The following MPPED2 variants were observed in gnomAD, a reference collection of about 807,000 sequenced individuals.
MPPED2 encodes the protein metallophosphoesterase domain containing 2.
Under a neutral mutation model 33.0 loss-of-function variants are expected in MPPED2, and 5 were observed. The observed-to-expected ratio is 0.15, with a 90% confidence interval of 0.08 to 0.32. The LOEUF (loss-of-function observed/expected upper bound fraction) is 0.32. MPPED2 is among the 10% of genes least tolerant of loss of function. The probability of loss-of-function intolerance (pLI) is 1.00; values close to 1 mark genes in which losing one functional copy is unlikely to be tolerated. For missense variants in MPPED2, 275 were observed against 372.1 expected, an observed-to-expected ratio of 0.74 and a Z score of 2.15; for synonymous variants, 136 against 141.9, an observed-to-expected ratio of 0.96 and a Z score of 0.29.
intron 2 of MPPED2, among the ~76,000 whole-genome samples, chr11:30,541,162 C>A (rs970101136): frequency 6.6e-6 from 1 of 152,194 alleles, no homozygotes; most frequent in Non-Finnish European, 1.5e-5. Context: ...TGTGCCAAGC[C>A]TCAAATCTTG....
intron 3 of MPPED2, among the ~76,000 whole-genome samples, chr11:30,514,585 T>C (rs1953417994): frequency 6.6e-6 from 1 of 152,188 alleles, no homozygotes; most frequent in South Asian, 2.1e-4. Context: ...GCCTCCTAAC[T>C]GTTCTATGTT....
intron 3 of MPPED2, among the ~76,000 whole-genome samples, chr11:30,508,891 A>G (rs1274718343): frequency 6.6e-6 from 1 of 152,142 alleles, no homozygotes; most frequent in Non-Finnish European, 1.5e-5. Flanking sequence ...CCACATGACT[A>G]TGGACCTCAG....
At chr11:30,549,815 G>C (rs1327057200) in intron 2 of MPPED2, among the ~76,000 whole-genome samples, 1 of 152,154 alleles carries the variant, frequency 6.6e-6, no homozygotes, top group Non-Finnish European at 1.5e-5. Flanking sequence ...GATAAAGGCT[G>C]AAGTGAGTGT....
chr11:30,393,078 C>T (rs1339085669), intron 6 of MPPED2, among the ~76,000 whole-genome samples: 1 of 152,096 alleles, frequency 6.6e-6, no homozygotes, highest in Non-Finnish European at 1.5e-5. Flanking sequence ...TCAATTTGTG[C>T]CCAATCTGGA....
chr11:30,435,600 T>A (rs1949288252), intron 4 of MPPED2, among the ~76,000 whole-genome samples: 2 of 152,142 alleles, frequency 1.3e-5, no homozygotes, highest in African/African-American at 4.8e-5. Flanking sequence ...GAGCAGGAAG[T>A]TTTGTGAGTC....
intron 4 of MPPED2, among the ~76,000 whole-genome samples, chr11:30,491,204 T>C (rs1951967736): frequency 6.6e-6 from 1 of 152,130 alleles, no homozygotes; most frequent in African/African-American, 2.4e-5. Context: ...TTCTTAATAA[T>C]AAAAGAGGTT....
At chr11:30,526,492 A>G (rs1590717468) in intron 3 of MPPED2, among the ~76,000 whole-genome samples, 1 of 152,170 alleles carries the variant, frequency 6.6e-6, no homozygotes, top group Admixed American at 6.5e-5. Flanking sequence ...TGAACAAGCT[A>G]AAGATTAAGA....
At chr11:30,413,916 G>T (rs1416637965) in intron 6 of MPPED2, among the ~76,000 whole-genome samples, 1 of 152,064 alleles carries the variant, frequency 6.6e-6, no homozygotes, top group Non-Finnish European at 1.5e-5. Context: ...TATACCTTGG[G>T]GTTGCTCTAA....
chr11:30,504,908 G>A (rs1952750038), intron 3 of MPPED2: 2 of 830,830 alleles, frequency 2.4e-6, no homozygotes, highest in Non-Finnish European at 3.5e-6. Flanking sequence ...AGAAGGCAGG[G>A]GATGCGGAGT....
Position 30,586,309 on chromosome 11 carries a change from G to T in MPPED2, c.-389C>A. 6.5e-6 allele frequency: 1 copy of T among 154,030 alleles called. No homozygotes were observed. Among genetic ancestry groups the T allele is most frequent in the Non-Finnish European group, 1.4e-5 (1 of 69,526 alleles). 9.5% of individuals were successfully genotyped at this position (154,030 alleles called of 1,614,324 possible). On this transcript the variant is annotated 5_prime_UTR_variant, in exon 1 of 7. Coordinates refer to ENST00000358117, the MANE Select transcript of MPPED2 (RefSeq NM_001584.3). This position sits in a 1 kb window ranked among gnomAD's most constrained non-coding sequence, Gnocchi z 4.8. ...GAGAGCGAGCGAGGGGGCGAGGAGA[G>T]GGAGCGAGGGCGCGGCGAGCCGGAG...
At chr11:30,538,895 C>G (rs1954950055) in intron 2 of MPPED2, among the ~76,000 whole-genome samples, 1 of 152,082 alleles carries the variant, frequency 6.6e-6, no homozygotes, top group South Asian at 2.1e-4. Flanking sequence ...TCTTTGCTAT[C>G]CATAGGAATA....
At chr11:30,429,690 C>T (rs1948995059) in intron 4 of MPPED2, among the ~76,000 whole-genome samples, 1 of 152,152 alleles carries the variant, frequency 6.6e-6, no homozygotes, top group Admixed American at 6.5e-5. Context: ...CCACTCTTCA[C>T]CAACCTGCCA....
chr11:30,424,671 C>T (rs1243331105), intron 4 of MPPED2, among the ~76,000 whole-genome samples: 1 of 152,138 alleles, frequency 6.6e-6, no homozygotes, highest in African/African-American at 2.4e-5. Flanking sequence ...CCCCTGCTCC[C>T]TCCCCTCCCT....
chr11:30,499,553 G>A (rs1187553935), intron 3 of MPPED2, among the ~76,000 whole-genome samples: 1 of 151,960 alleles, frequency 6.6e-6, no homozygotes, highest in Non-Finnish European at 1.5e-5. Context: ...CCTTTTCCAG[G>A]CATCTCCTCT....
exon 7 of MPPED2, chr11:30,388,775 C>T: frequency 1.5e-6 from 2 of 1,300,626 alleles, no homozygotes; most frequent in Non-Finnish European, 2.0e-6. Context: ...GGAGAGGCAT[C>T]TTCCTTCCTT....
intron 2 of MPPED2, among the ~76,000 whole-genome samples, chr11:30,558,765 CTTCT>C (rs1036862915): frequency 1.3e-5 from 2 of 151,518 alleles, no homozygotes; most frequent in African/African-American, 2.4e-5. Context: ...TCCCTCTTTC[CTTCT>C]TTCTTTCTTT....
Position 30,580,501 on chromosome 11 carries a change from G to GAA in MPPED2, c.-121-9_-121-8dup. On this transcript the variant is annotated splice_polypyrimidine_tract_variant and splice_region_variant and intron_variant, in intron 1 of 6. Transcript: ENST00000358117. ...TCAATACCGCTGTGCATTTCTGAAA[G>GAA]AAAAAAAAAATGTATATAAAATGAG... 3 of 1,292,390 alleles carry GAA rather than the reference G, an allele frequency of 2.3e-6. No individual in the cohort carries two copies. The highest frequency in any genetic ancestry group is 4.4e-5 in the South Asian group (2 of 45,644). The allele number at this position is 1,292,390 out of a possible 1,614,324, so 80.1% of individuals were successfully genotyped here.
intron 6 of MPPED2, among the ~76,000 whole-genome samples, chr11:30,405,052 G>C (rs905230604): frequency 6.6e-6 from 1 of 152,152 alleles, no homozygotes; most frequent in Non-Finnish European, 1.5e-5. Context: ...CCAAAGGGGG[G>C]TGTTCTGGGT....
At chr11:30,523,388 G>C (rs1276732975) in intron 3 of MPPED2, among the ~76,000 whole-genome samples, 1 of 152,088 alleles carries the variant, frequency 6.6e-6, no homozygotes, top group East Asian at 1.9e-4. Flanking sequence ...TTGGTATAAG[G>C]ATGACTATCC....
Sources: allele counts gnomAD v4.1 joint callset (sites outside exome capture counted in the v4.1 genomes callset), GRCh38; gene constraint gnomAD v4.1.1; non-coding constraint Gnocchi (gnomAD v3.1); transcripts MANE v1.5; gene names NCBI Gene and HGNC (gene_info 2026-07-23, HGNC 2026-07-21).